Variants in NME7 observed in about 807,000 individuals in gnomAD.
NME7 encodes the protein nucleoside diphosphate kinase 7.
A neutral mutation model predicts 49.1 loss-of-function variants in NME7; 41 were observed. The observed-to-expected ratio is 0.83, with a 90% CI of 0.65 to 1.08. NME7 has a LOEUF of 1.08. Among genes scored for constraint, NME7 ranks in the 50% least tolerant of loss-of-function variants. The probability of loss-of-function intolerance (pLI) is 0.00; values close to 1 mark genes in which losing one functional copy is unlikely to be tolerated. For missense variants in NME7, 423 were observed against 463.4 expected (o/e 0.91, Z 0.80); for synonymous variants, 139 against 150.6 (o/e 0.92, Z 0.56).
rs376191829 is a variant in NME7 at position 169,257,322 on chromosome 1, A to G, written c.755-19635T>C. Among the ~76,000 whole-genome samples the G allele has an allele frequency of 6.0e-4, 80 of 133,774 alleles. 18 individuals are homozygous for G. In the South Asian group the frequency reaches 0.018, roughly 30 times the overall value. The allele number at this position is 133,774 out of a possible 152,430, so 87.8% of individuals were successfully genotyped here. On this transcript the variant is annotated intron_variant, in intron 7 of 11. Transcript: ENST00000367811. ...GCAGTATTTGGTTGGGAGTGACCCG[A>G]TTTTCCAGGTGCTGTCCGGCATCCC...
At chr1:169,227,203 G>T (rs577534386) in intron 10 of NME7, among the ~76,000 whole-genome samples, 35 of 152,054 alleles carry the variant, frequency 2.3e-4, no homozygotes, top group African/African-American at 8.2e-4. Context: ...AGCTCCTCCC[G>T]AATGACCCCA....
chr1:169,198,202 A>T (rs1050064042), intron 10 of NME7, among the ~76,000 whole-genome samples: 32 of 152,098 alleles, frequency 2.1e-4, no homozygotes, highest in African/African-American at 7.7e-4. Context: ...AGTCATACTA[A>T]CATATACTGG....
intron 7 of NME7, among the ~76,000 whole-genome samples, chr1:169,264,363 C>G (rs1383671293): frequency 7.5e-6 from 1 of 134,062 alleles, no homozygotes; most frequent in Non-Finnish European, 1.8e-5. Context: ...ATCTCACATG[C>G]AATGGCACCC....
At chr1:169,306,495 T>C (rs1651176465) in intron 4 of NME7, among the ~76,000 whole-genome samples, 1 of 152,128 alleles carries the variant, frequency 6.6e-6, no homozygotes, top group Admixed American at 6.6e-5. Flanking sequence ...ATAGGAATTA[T>C]AAGGAGAGAA....
intron 1 of NME7, among the ~76,000 whole-genome samples, chr1:169,328,044 C>T (rs1481969546): frequency 6.6e-6 from 1 of 152,174 alleles, no homozygotes; most frequent in African/African-American, 2.4e-5. Flanking sequence ...CCTGGTACTA[C>T]TAGCATGCTG....
intron 10 of NME7, among the ~76,000 whole-genome samples, chr1:169,186,277 C>T (rs538020813): frequency 6.6e-6 from 1 of 152,222 alleles, no homozygotes; most frequent in South Asian, 2.1e-4. Context: ...AACAAAATAG[C>T]ACCACGGACA....
chr1:169,223,591 C>T (rs1661210015), intron 10 of NME7, among the ~76,000 whole-genome samples: 4 of 152,122 alleles, frequency 2.6e-5, no homozygotes, highest in Admixed American at 2.6e-4. Flanking sequence ...TGATATGTCA[C>T]CATTACTTTG....
chr1:169,164,871 A>G (rs755070944), intron 11 of NME7, among the ~76,000 whole-genome samples: 2 of 152,206 alleles, frequency 1.3e-5, no homozygotes, highest in Non-Finnish European at 2.9e-5. Context: ...TTTTGCCCAT[A>G]GTTGTCACCA....
chr1:169,323,770 T>C (rs1651944426), intron 2 of NME7, among the ~76,000 whole-genome samples: 1 of 150,640 alleles, frequency 6.6e-6, no homozygotes, highest in Admixed American at 6.6e-5. Context: ...TTTATGACCA[T>C]AATAATCCTT....
At chr1:169,217,688 G>T (rs1240878331) in intron 10 of NME7, among the ~76,000 whole-genome samples, 1 of 152,046 alleles carries the variant, frequency 6.6e-6, no homozygotes, top group Admixed American at 6.6e-5. Context: ...AGTCATATAA[G>T]AAAAACGTCA....
intron 7 of NME7, among the ~76,000 whole-genome samples, chr1:169,264,041 G>T (rs1365915763): frequency 7.5e-6 from 1 of 133,236 alleles, no homozygotes; most frequent in Non-Finnish European, 1.8e-5. Flanking sequence ...TTTCAGACAA[G>T]AAAATGCTGA....
At chr1:169,354,632 T>C (rs145502246) in intron 1 of NME7, among the ~76,000 whole-genome samples, 50 of 148,694 alleles carry the variant, frequency 3.4e-4, no homozygotes, top group African/African-American at 1.1e-3. Flanking sequence ...ATATCTGGTG[T>C]ACATATTTAT....
chr1:169,333,013 T>G (rs1212896902), intron 1 of NME7, among the ~76,000 whole-genome samples: 1 of 152,216 alleles, frequency 6.6e-6, no homozygotes, highest in African/African-American at 2.4e-5. Flanking sequence ...CACTCCTATG[T>G]TTGTTGCAGC....
chr1:169,359,469 T>C (rs575416318), intron 1 of NME7, among the ~76,000 whole-genome samples: 5 of 151,600 alleles, frequency 3.3e-5, no homozygotes, highest in Non-Finnish European at 7.4e-5. Flanking sequence ...TGTATCTCTG[T>C]GTGTGTGTGT....
At chr1:169,210,564 T>C (rs968031281) in intron 10 of NME7, among the ~76,000 whole-genome samples, 4 of 150,926 alleles carry the variant, frequency 2.7e-5, no homozygotes, top group Non-Finnish European at 5.9e-5. Flanking sequence ...TCAGATGCTC[T>C]AGAACAAATC....
chr1:169,224,480 T>C (rs1661241763), intron 10 of NME7, among the ~76,000 whole-genome samples: 2 of 152,138 alleles, frequency 1.3e-5, no homozygotes, highest in Non-Finnish European at 2.9e-5. Context: ...TCCTGTTTAA[T>C]AGATTTTGGA....
chr1:169,224,734 C>T (rs1280288332), intron 10 of NME7, among the ~76,000 whole-genome samples: 8 of 152,002 alleles, frequency 5.3e-5, no homozygotes, highest in Non-Finnish European at 1.5e-5. Context: ...TTCATTTGTT[C>T]CACCATCAAC....
chr1:169,172,064 C>A (rs1659612391), intron 10 of NME7, among the ~76,000 whole-genome samples: 1 of 152,020 alleles, frequency 6.6e-6, no homozygotes, highest in Non-Finnish European at 1.5e-5. Flanking sequence ...CTGATTTACT[C>A]TGCTGCTCTT....
chr1:169,255,451 G>A (rs1648882641), intron 7 of NME7, among the ~76,000 whole-genome samples: 3 of 115,008 alleles, frequency 2.6e-5, no homozygotes, highest in African/African-American at 9.2e-5. Context: ...TTGAGCCTAT[G>A]TGTGTCTCTG....
Sources: gnomAD v4.1 joint callset for allele counts (sites outside exome capture counted in the v4.1 genomes callset) on GRCh38, gnomAD v4.1.1 for gene constraint, MANE v1.5 for transcripts, NCBI Gene and HGNC (gene_info 2026-07-23, HGNC 2026-07-21) for gene names.